The following TPH2 variants were observed in gnomAD, a reference collection of about 807,000 sequenced individuals.
The protein encoded by TPH2 is tryptophan hydroxylase 2, also known as tryptophan 5-hydroxylase 2.
In TPH2, 27 loss-of-function variants were observed where a neutral mutation model predicts 59.1. That is an observed-to-expected ratio of 0.46 (90% CI 0.34 to 0.63). TPH2 has a LOEUF of 0.63. Among genes scored for constraint, TPH2 ranks in the 30% least tolerant of loss-of-function variants. TPH2 has a pLI of 0.01. For missense variants in TPH2, 523 were observed against 588.3 expected (o/e 0.89, Z 1.15); for synonymous variants, 220 against 210.5 (o/e 1.05, Z -0.39).
intron 5 of TPH2, among the ~76,000 whole-genome samples, 155 bp downstream of exon 5, chr12:71,949,810 ACT>A (rs1256805192): frequency 1.3e-5 from 2 of 152,192 alleles, no homozygotes; most frequent in African/African-American, 2.4e-5. Flanking sequence ...AAATGCCAAC[ACT>A]GATGTTTGAC....
rs1357792927 is a variant in TPH2, at chr12:72,012,503, G to A, written c.1069-9896G>A. 3.9e-5 allele frequency among the ~76,000 whole-genome samples: 6 copies of A among 152,232 alleles called. No homozygotes were observed. The South Asian group carries it at 1.2e-3, about 31-fold the overall frequency. On this transcript the variant is annotated intron_variant, in intron 8 of 10. Coordinates refer to ENST00000333850, the MANE Select transcript of TPH2 (RefSeq NM_173353.4). Reference sequence around the variant, plus strand: ...TGGGGTGGACAATTGGGAGGAAGACGGTGGAGCAATGAAGGTTGAGAGAAA... The same window carrying A: ...TGGGGTGGACAATTGGGAGGAAGACAGTGGAGCAATGAAGGTTGAGAGAAA...
chr12:71,939,491 G>T (rs1232899099), intron 1 of TPH2, among the ~76,000 whole-genome samples: 1 of 151,540 alleles, frequency 6.6e-6, no homozygotes, highest in African/African-American at 2.4e-5. Flanking sequence ...AAATTTCCAC[G>T]GTTTTCAGAA....
chr12:72,022,347 T>A, intron 8 of TPH2, 52 bp from the exon 9 acceptor site: 1 of 1,342,360 alleles, frequency 7.4e-7, no homozygotes, highest in South Asian at 1.2e-5. Flanking sequence ...CATTTAATCC[T>A]ATCAAATAAC....
chr12:72,020,870 TG>T (rs1334829380), intron 8 of TPH2, among the ~76,000 whole-genome samples: 8 of 152,132 alleles, frequency 5.3e-5, no homozygotes, highest in Admixed American at 4.6e-4. Flanking sequence ...GACCTGGAAA[TG>T]ATCAGTCCTT....
intron 7 of TPH2, among the ~76,000 whole-genome samples, chr12:71,983,249 C>CTCTT (rs1404975046): frequency 6.6e-6 from 1 of 152,140 alleles, no homozygotes; most frequent in Non-Finnish European, 1.5e-5. Context: ...AGGAAATGGA[C>CTCTT]TCTTGCTTTT....
intron 5 of TPH2, among the ~76,000 whole-genome samples, chr12:71,972,297 G>A (rs1248089703): frequency 1.3e-5 from 2 of 152,136 alleles, no homozygotes; most frequent in Admixed American, 6.6e-5. Flanking sequence ...GATGCATGAA[G>A]ATATAACTGA....
intron 4 of TPH2, among the ~76,000 whole-genome samples, chr12:71,948,660 T>C (rs1592861034): frequency 6.6e-6 from 1 of 152,192 alleles, no homozygotes; most frequent in African/African-American, 2.4e-5. Context: ...CAGTGGCTTG[T>C]CTCCTTGCCT....
chr12:72,030,911 C>T (rs1282582878), intron 9 of TPH2, among the ~76,000 whole-genome samples: 3 of 152,126 alleles, frequency 2.0e-5, no homozygotes, highest in South Asian at 2.1e-4. Flanking sequence ...TTTATGCTGT[C>T]CCTGCTTCTA....
intron 7 of TPH2, among the ~76,000 whole-genome samples, chr12:71,987,115 CA>C (rs1240948609): frequency 6.6e-6 from 1 of 152,150 alleles, no homozygotes; most frequent in African/African-American, 2.4e-5. Flanking sequence ...TTACAGATGG[CA>C]ATTCCAAGGT....
At chr12:71,982,481 A>C (rs1374204007) in intron 7 of TPH2, among the ~76,000 whole-genome samples, 3 of 152,188 alleles carry the variant, frequency 2.0e-5, no homozygotes, top group African/African-American at 7.2e-5. Context: ...GAAATATACT[A>C]TGCAGACAAA....
At chr12:71,942,416 A>T (rs942785740) in intron 2 of TPH2, among the ~76,000 whole-genome samples, 1 of 152,092 alleles carries the variant, frequency 6.6e-6, no homozygotes, top group Non-Finnish European at 1.5e-5. Flanking sequence ...ATCAGCAAAC[A>T]CCCTCCCTTA....
At chr12:72,027,936 A>G (rs370889252) in intron 9 of TPH2, among the ~76,000 whole-genome samples, 4 of 152,162 alleles carry the variant, frequency 2.6e-5, no homozygotes, top group East Asian at 3.9e-4. Context: ...TTTATCAAAG[A>G]TAAAGCTGCA....
chr12:71,997,890 C>T (rs1354791810), intron 8 of TPH2, among the ~76,000 whole-genome samples: 1 of 152,104 alleles, frequency 6.6e-6, no homozygotes, highest in African/African-American at 2.4e-5. Flanking sequence ...ATGGATTTAG[C>T]TGAACATTCA....
At chr12:71,940,730 T>A (rs551259521) in intron 1 of TPH2, among the ~76,000 whole-genome samples, 2 of 152,320 alleles carry the variant, frequency 1.3e-5, no homozygotes, top group South Asian at 4.1e-4. Flanking sequence ...TCTGGCAATG[T>A]GACCTGAGTT....
At chr12:72,024,439 T>G (rs950045312) in intron 9 of TPH2, among the ~76,000 whole-genome samples, 5 of 152,254 alleles carry the variant, frequency 3.3e-5, no homozygotes, top group African/African-American at 1.2e-4. Flanking sequence ...AGTATGGTAA[T>G]TTTTTTAAAA....
intron 5 of TPH2, among the ~76,000 whole-genome samples, chr12:71,970,932 T>A (rs141527453): frequency 4.3e-4 from 66 of 152,374 alleles, no homozygotes; most frequent in African/African-American, 1.1e-3. Context: ...CCTCATGTAC[T>A]GCAATTAATT....
intron 6 of TPH2, among the ~76,000 whole-genome samples, chr12:71,973,816 T>G (rs1172390162): frequency 6.6e-6 from 1 of 152,212 alleles, no homozygotes; most frequent in Non-Finnish European, 1.5e-5. Flanking sequence ...ATCAATACTT[T>G]ACATTATAAT....
chr12:72,004,235 G>A (rs1243099463), intron 8 of TPH2, among the ~76,000 whole-genome samples: 1 of 150,452 alleles, frequency 6.6e-6, no homozygotes. Flanking sequence ...GCTCAGCTTA[G>A]GCACAAAGAA....
At chr12:71,982,028 T>TTTTTTTTTTTTTTTTTTTTTTTTTTTTG (rs1872297511) in intron 7 of TPH2, among the ~76,000 whole-genome samples, 1 of 139,444 alleles carries the variant, frequency 7.2e-6, no homozygotes, top group Non-Finnish European at 1.6e-5. Context: ...TTTTTTTTTT[T>TTTTTTTTTTTTTTTTTTTTTTTTTTTTG]TTTTAGACAG....
Sources: allele counts gnomAD v4.1 joint callset (sites outside exome capture counted in the v4.1 genomes callset), GRCh38; gene constraint gnomAD v4.1.1; transcripts MANE v1.5; gene names NCBI Gene and HGNC (gene_info 2026-07-23, HGNC 2026-07-21).